The following KCNH7 variants were observed in gnomAD, a reference collection of about 807,000 sequenced individuals.
The protein encoded by KCNH7 is potassium voltage-gated channel subfamily H member 7.
Under a neutral mutation model 120.8 loss-of-function variants are expected in KCNH7, and 49 were observed. That is an observed-to-expected ratio of 0.41 (90% CI 0.32 to 0.51). The LOEUF is 0.51. KCNH7 is among the 20% of genes least tolerant of loss of function. The pLI is 0.38. For synonymous variants in KCNH7, 547 were observed against 516.1 expected, an observed-to-expected ratio of 1.06 and a Z score of -0.81; for missense variants, 1,097 against 1,446.6, an observed-to-expected ratio of 0.76 and a Z score of 3.92.
intron 2 of KCNH7, among the ~76,000 whole-genome samples, chr2:162,672,803 A>G (rs1685403938): frequency 6.6e-6 from 1 of 152,034 alleles, no homozygotes; most frequent in South Asian, 2.1e-4. Flanking sequence ...TTAAAATAAA[A>G]CAATAAAATA....
intron 12 of KCNH7, among the ~76,000 whole-genome samples, chr2:162,392,073 C>A (rs1686760901): frequency 6.6e-6 from 1 of 151,786 alleles, no homozygotes; most frequent in South Asian, 2.1e-4. Context: ...TACAGTTTGG[C>A]AAAGGCAAAG....
intron 9 of KCNH7, among the ~76,000 whole-genome samples, chr2:162,418,259 A>C (rs1281377472): frequency 1.3e-5 from 2 of 152,162 alleles, no homozygotes; most frequent in African/African-American, 4.8e-5. Context: ...GGTTTTGGCC[A>C]ATCTTTATAC....
rs979998772 is a variant in KCNH7 at position 162,373,589 on chromosome 2, G to A, written c.3205C>T (p.Pro1069Ser). The A allele has an allele frequency of 1.3e-6, 2 of 1,582,290 alleles. No individual in the cohort carries two copies. The highest frequency in any genetic ancestry group is 1.4e-5 in the African/African-American group (1 of 73,150). Reference protein sequence around the residue: ...LLQKQTTVVPPAYSMVTAGSE... With the variant: ...LLQKQTTVVPSAYSMVTAGSE... Reference sequence around the variant, plus strand: ...CCTGCTGTTACCATACTGTAGGCTGGGGGGACCACAGTGGTTTGTTTCTGC... The same window carrying A: ...CCTGCTGTTACCATACTGTAGGCTGAGGGGACCACAGTGGTTTGTTTCTGC... The change falls in exon 15 of 16, where the codon CCA becomes TCA. Residue 1069 changes from proline to serine, a missense_variant. Pro to Ser is a moderately conservative substitution (Grantham distance 74). Around this residue, in one of 8 missense-constraint regions of KCNH7, gnomAD observed 406 missense variants for 410.5 expected, o/e 0.99. Coordinates refer to ENST00000332142, the MANE Select transcript of KCNH7 (RefSeq NM_033272.4).
chr2:162,808,580 T>C (rs1157964133), intron 2 of KCNH7, among the ~76,000 whole-genome samples: 1 of 152,194 alleles, frequency 6.6e-6, no homozygotes, highest in Non-Finnish European at 1.5e-5. Context: ...ATGTTAAGAC[T>C]AGGTAAAGAT....
At chr2:162,620,783 A>G (rs577461639) in intron 2 of KCNH7, among the ~76,000 whole-genome samples, 2 of 152,260 alleles carry the variant, frequency 1.3e-5, no homozygotes, top group East Asian at 1.9e-4. Context: ...ATCTTTTTTT[A>G]GGTGCCAAGA....
chr2:162,486,959 C>A (rs1690117053), intron 6 of KCNH7, among the ~76,000 whole-genome samples: 1 of 152,084 alleles, frequency 6.6e-6, no homozygotes, highest in African/African-American at 2.4e-5. Flanking sequence ...GAAAATATTT[C>A]TTCTGGGACA....
At chr2:162,527,214 A>G (rs553707567) in intron 3 of KCNH7, among the ~76,000 whole-genome samples, 2 of 152,050 alleles carry the variant, frequency 1.3e-5, no homozygotes, top group African/African-American at 4.8e-5. Context: ...TCCTTTTTCT[A>G]TGTCAAATTT....
intron 7 of KCNH7, among the ~76,000 whole-genome samples, chr2:162,441,200 G>A (rs114230906): frequency 3.3e-5 from 5 of 152,206 alleles, no homozygotes; most frequent in African/African-American, 4.8e-5. Context: ...ATATGTATAT[G>A]TGTCTGCAAA....
intron 8 of KCNH7, among the ~76,000 whole-genome samples, chr2:162,434,550 T>C (rs1328427404): frequency 6.6e-6 from 1 of 152,112 alleles, no homozygotes; most frequent in Non-Finnish European, 1.5e-5. Context: ...TTAACAAAGC[T>C]TTTTTAATTC....
intron 2 of KCNH7, among the ~76,000 whole-genome samples, chr2:162,572,213 A>T (rs908905025): frequency 5.3e-5 from 8 of 152,108 alleles, no homozygotes; most frequent in African/African-American, 1.9e-4. Flanking sequence ...AAAAATAAAC[A>T]ACCCCATCAA....
At chr2:162,724,792 C>T (rs929452309) in intron 2 of KCNH7, among the ~76,000 whole-genome samples, 38 of 152,054 alleles carry the variant, frequency 2.5e-4, no homozygotes, top group African/African-American at 7.0e-4. Flanking sequence ...TGGTTGACTA[C>T]GGATAACTGA....
Position 162,819,331 on chromosome 2 carries a change from G to A in KCNH7, c.307+17206C>T, listed in dbSNP as rs563226999. 5.7e-4 allele frequency among the ~76,000 whole-genome samples: 86 copies of A among 152,196 alleles called. 1 individual carries two copies. The highest frequency in any genetic ancestry group is 7.9e-4 in the Non-Finnish European group (54 of 68,006). On this transcript the variant is annotated intron_variant, in intron 2 of 15. Transcript: ENST00000332142. ...TTAAAAATGAAGGGTCTGTAACTGTGCAAATAAATTCAAATGGCCCAGCAA... is the reference window on the plus strand; with the variant it reads ...TTAAAAATGAAGGGTCTGTAACTGTACAAATAAATTCAAATGGCCCAGCAA...
chr2:162,722,805 C>CTTTTTTCT (rs1559100199), intron 2 of KCNH7, among the ~76,000 whole-genome samples: 9 of 79,872 alleles, frequency 1.1e-4, no homozygotes, highest in African/African-American at 6.1e-4. Context: ...TTCATTCATT[C>CTTTTTTCT]TTTTTTTCTT....
intron 2 of KCNH7, among the ~76,000 whole-genome samples, chr2:162,656,159 T>G (rs1382491899): frequency 6.6e-6 from 1 of 152,232 alleles, no homozygotes; most frequent in Non-Finnish European, 1.5e-5. Context: ...TCTGTGTGGA[T>G]AGCTAGTCTG....
At chr2:162,389,940 T>G (rs1686693707) in intron 12 of KCNH7, among the ~76,000 whole-genome samples, 1 of 151,998 alleles carries the variant, frequency 6.6e-6, no homozygotes, top group East Asian at 1.9e-4. Context: ...TCTAAAACTT[T>G]AAGACAAACT....
chr2:162,479,704 T>TG (rs1689865189), intron 6 of KCNH7, among the ~76,000 whole-genome samples: 1 of 148,416 alleles, frequency 6.7e-6, no homozygotes, highest in East Asian at 2.0e-4. Flanking sequence ...TGTGTGTGTG[T>TG]TGAGATGGCT....
At chr2:162,587,700 G>C (rs530821569) in intron 2 of KCNH7, among the ~76,000 whole-genome samples, 5 of 151,916 alleles carry the variant, frequency 3.3e-5, no homozygotes, top group Admixed American at 2.6e-4. Flanking sequence ...GTGTGCAATG[G>C]TAAAAAGCAA....
intron 2 of KCNH7, among the ~76,000 whole-genome samples, chr2:162,652,391 G>A (rs1684596442): frequency 6.6e-6 from 1 of 152,000 alleles, no homozygotes; most frequent in Admixed American, 6.6e-5. Flanking sequence ...TGCCACCAGG[G>A]ACCAGTGTTA....
chr2:162,610,314 C>T (rs1332651070), intron 2 of KCNH7, among the ~76,000 whole-genome samples: 3 of 125,312 alleles, frequency 2.4e-5, no homozygotes, highest in Non-Finnish European at 4.9e-5. Flanking sequence ...CTTTAGAGAA[C>T]AGCTAAATGA....
Sources: gnomAD v4.1 joint callset for allele counts (sites outside exome capture counted in the v4.1 genomes callset) on GRCh38, gnomAD v4.1.1 for gene constraint, gnomAD v4.1.1 regional missense constraint, MANE v1.5 for transcripts, NCBI Gene and HGNC (gene_info 2026-07-23, HGNC 2026-07-21) for gene names.